Variants in GAREM2 observed in about 807,000 individuals in gnomAD.
The protein encoded by GAREM2 is GRB2-associated and regulator of MAPK protein 2.
GAREM2 carries 30 observed loss-of-function variants against 55.6 expected under a neutral mutation model. The ratio of observed to expected loss-of-function variants is 0.54; its 90% CI spans 0.40 to 0.73. The LOEUF (loss-of-function observed/expected upper bound fraction) is 0.73. Among genes scored for constraint, GAREM2 ranks in the 30% least tolerant of loss-of-function variants. The probability of loss-of-function intolerance (pLI) is 0.00; values close to 1 mark genes in which losing one functional copy is unlikely to be tolerated. For missense variants in GAREM2, 1,075 were observed against 1,257.7 expected (o/e 0.85, Z 2.20); for synonymous variants, 550 against 569.1 (o/e 0.97, Z 0.48).
At chr2:26,201,232 C>G in the GAREM2 span, 5 of 1,613,416 alleles carry the variant, frequency 3.1e-6, no homozygotes, top group Non-Finnish European at 4.2e-6. Flanking sequence ...TTTTCAAAAC[C>G]TTGGTAATCA....
chr2:26,180,367 C>A (rs1669005959), intron 2 of GAREM2, among the ~76,000 whole-genome samples: 1 of 152,162 alleles, frequency 6.6e-6, no homozygotes, highest in African/African-American at 2.4e-5. Context: ...CTGGGATGAA[C>A]ATCCCCAAAG....
At chr2:26,178,913 C>G (rs1040445086) in intron 2 of GAREM2, among the ~76,000 whole-genome samples, 1 of 151,940 alleles carries the variant, frequency 6.6e-6, no homozygotes, top group African/African-American at 2.4e-5. Context: ...GAGGCAGAGG[C>G]CCCTAGGAGG....
At chr2:26,181,029 T>G in intron 2 of GAREM2, 1 of 985,558 alleles carries the variant, frequency 1.0e-6, no homozygotes, top group Non-Finnish European at 1.2e-6. Flanking sequence ...CCCTTCCCAG[T>G]ATCTCTTGGT....
intron 1 of GAREM2, among the ~76,000 whole-genome samples, chr2:26,175,106 C>T (rs1338199395): frequency 1.3e-5 from 2 of 152,168 alleles, no homozygotes; most frequent in Non-Finnish European, 2.9e-5. Flanking sequence ...CACACACACG[C>T]CTACCCCACA....
intron 2 of GAREM2, chr2:26,182,225 C>A: frequency 7.1e-7 from 1 of 1,405,344 alleles, no homozygotes; most frequent in South Asian, 1.6e-5. Flanking sequence ...GTCTGTGTCT[C>A]CTAGGGGCAT....
At chr2:26,175,892 C>T (rs878952043) in intron 1 of GAREM2, among the ~76,000 whole-genome samples, 3 of 152,180 alleles carry the variant, frequency 2.0e-5, no homozygotes, top group Non-Finnish European at 4.4e-5. Context: ...AGTCTCCCTT[C>T]GCCACCACAC....
At chr2:26,193,613 C>T (rs755224363), downstream of GAREM2, 2 of 1,614,050 alleles carry the variant, frequency 1.2e-6, no homozygotes, top group South Asian at 2.2e-5. Context: ...GTCAGCAGTT[C>T]TGGGTTTCCA....
rs778543890 is a variant in GAREM2 at position 26,182,980 on chromosome 2, C to T, written c.267C>T (p.Leu89=). 3 of 1,551,562 alleles carry T rather than the reference C, an allele frequency of 1.9e-6. No homozygotes were observed. Among genetic ancestry groups the T allele is most frequent in the Admixed American group, 2.0e-5 (1 of 50,982 alleles). ...IPLQYPGKFK[L]LEQARDVREP... ...CCCACTATGCAGGGAAGTTCAAGCT[C>T]CTGGAACAGGCCCGGGATGTGCGGG... The change falls in exon 3 of 6, where the codon CTC becomes CTT. Residue 89 remains leucine, a synonymous_variant. Transcript: ENST00000401533.
intron 2 of GAREM2, among the ~76,000 whole-genome samples, chr2:26,177,255 G>T (rs1472072880): frequency 6.6e-6 from 1 of 152,178 alleles, no homozygotes; most frequent in Non-Finnish European, 1.5e-5. Context: ...ACTACACCAG[G>T]AGCGTGTGGT....
chr2:26,197,765 G>A, the GAREM2 span: 18 of 1,514,530 alleles, frequency 1.2e-5, no homozygotes, highest in South Asian at 1.9e-4. Flanking sequence ...AAGATACAGT[G>A]ATCTGGAATC....
In GAREM2 at chr2:26,185,312, A is replaced by C. The variant is rs769428115; in HGVS notation, c.1428+36A>C. On this transcript the variant is annotated intron_variant, in intron 4 of 5. Transcript: ENST00000401533. ...GCGCTGGGGGCCGAGTCCCGGGTCCAGCCAGGGCCCAAAGCCCGTTCTCCT... is the reference window on the plus strand; with the variant it reads ...GCGCTGGGGGCCGAGTCCCGGGTCCCGCCAGGGCCCAAAGCCCGTTCTCCT... The C allele has an allele frequency of 6.3e-5, 93 of 1,476,976 alleles. No individual in the cohort carries two copies. In the South Asian group the frequency reaches 1.2e-3, roughly 18 times the overall value. 91.5% of individuals were successfully genotyped at this position (1,476,976 alleles called of 1,614,324 possible).
the GAREM2 span, chr2:26,204,120 T>C: frequency 8.1e-6 from 13 of 1,613,744 alleles, no homozygotes; most frequent in Non-Finnish European, 1.1e-5. Context: ...TCTTTAAGTA[T>C]AGTCTTTAGC....
intron 2 of GAREM2, among the ~76,000 whole-genome samples, 168 bp downstream of exon 2, chr2:26,176,652 G>A (rs1227636647): frequency 6.6e-6 from 1 of 152,148 alleles, no homozygotes; most frequent in Non-Finnish European, 1.5e-5. Flanking sequence ...CTGGGTTTCT[G>A]GAGAGGTGGC....
At chr2:26,186,382 C>G in intron 5 of GAREM2, 24 bp downstream of exon 5, 1 of 1,548,564 alleles carries the variant, frequency 6.5e-7, no homozygotes, top group Non-Finnish European at 8.7e-7. Context: ...TTCCCTTGGT[C>G]CTGAGTTCTA....
downstream of GAREM2, chr2:26,192,493 G>T: frequency 2.2e-6 from 2 of 929,762 alleles, no homozygotes; most frequent in Non-Finnish European, 3.6e-6. Context: ...TTTGTTCTCA[G>T]AACCCTGGCC....
the GAREM2 span, chr2:26,201,170 T>C: frequency 2.5e-6 from 4 of 1,613,098 alleles, no homozygotes; most frequent in African/African-American, 1.3e-5. Flanking sequence ...CCTTTAGCAC[T>C]CTGTGCTTAA....
At chr2:26,197,873 C>T in the GAREM2 span, 1 of 760,688 alleles carries the variant, frequency 1.3e-6, no homozygotes, top group African/African-American at 1.7e-5. Context: ...GCCCAGCCCA[C>T]TCTGTCCCCC....
chr2:26,203,157 A>T, the GAREM2 span, among the ~76,000 whole-genome samples: 3 of 152,354 alleles, frequency 2.0e-5, no homozygotes, highest in African/African-American at 7.2e-5. Flanking sequence ...GTTATCTTAC[A>T]ATAATCTGCC....
rs1166036838 is a variant in GAREM2, at chr2:26,176,493, A to G, written c.253+9A>G. On this transcript the variant is annotated intron_variant, in intron 2 of 5. Transcript: ENST00000401533. ...CCCCCTGCAGTACCCAGGTGTGTCC[A>G]GCCAGGACAGATGTCATAAAGCCTG... The G allele has an allele frequency of 2.1e-5, 32 of 1,531,370 alleles. No individual in the cohort carries two copies. Among genetic ancestry groups the G allele is most frequent in the Non-Finnish European group, 2.6e-5 (30 of 1,134,882 alleles). 94.9% of individuals were successfully genotyped at this position (1,531,370 alleles called of 1,614,324 possible).
Sources: allele counts gnomAD v4.1 joint callset (sites outside exome capture counted in the v4.1 genomes callset), GRCh38; gene constraint gnomAD v4.1.1; transcripts MANE v1.5; gene names NCBI Gene and HGNC (gene_info 2026-07-23, HGNC 2026-07-21).